The following FBXL18 variants were observed in gnomAD, a reference collection of about 807,000 sequenced individuals.
FBXL18 encodes the protein F-box/LRR-repeat protein 18.
In FBXL18, 36 loss-of-function variants were observed where a neutral mutation model predicts 46.0. The observed-to-expected ratio is 0.78, with a 90% CI of 0.60 to 1.03. FBXL18 has a LOEUF of 1.03. FBXL18 is among the 50% of genes least tolerant of loss of function. The pLI is 0.00. For missense variants in FBXL18, 977 were observed against 1,004.1 expected (o/e 0.97, Z 0.36); for synonymous variants, 557 against 465.3 (o/e 1.20, Z -2.54).
Position 5,501,649 on chromosome 7 carries a change from G to C in FBXL18, c.620C>G (p.Thr207Arg). ...GCCCGAGAGGATGGCGCCCTCGCGC[G>C]TGCGGTCCAGAATCTCGAAGTAGAG... ...LLLYFEILDRTREGAILSGQL... is the reference protein window; with the variant it reads ...LLLYFEILDRRREGAILSGQL... The change falls in exon 3 of 5, where the codon ACG (threonine) becomes AGG (arginine). Residue 207 changes from threonine (T) to arginine (R), a missense_variant. Physicochemically the swap from Thr to Arg is moderately conservative, Grantham distance 71. Coordinates refer to ENST00000382368, the MANE Select transcript of FBXL18 (RefSeq NM_024963.6). 1 of 1,612,430 alleles carries C rather than the reference G, an allele frequency of 6.2e-7. No homozygotes were observed. Among genetic ancestry groups the C allele is most frequent in the Non-Finnish European group, 8.5e-7 (1 of 1,179,430 alleles).
downstream of FBXL18, among the ~76,000 whole-genome samples, chr7:5,473,319 G>A (rs1194441836): frequency 6.6e-6 from 1 of 152,108 alleles, no homozygotes; most frequent in Non-Finnish European, 1.5e-5. Flanking sequence ...AGCAGCCCTG[G>A]AGCCCACCCT....
intron 4 of FBXL18, among the ~76,000 whole-genome samples, chr7:5,464,217 G>A (rs144366264): frequency 0.045 from 6,829 of 152,008 alleles, 522 homozygotes; most frequent in African/African-American, 0.15. Flanking sequence ...GGTGGCTCAT[G>A]CCTGTAATCC....
intron 3 of FBXL18, among the ~76,000 whole-genome samples, chr7:5,497,623 C>G (rs1049434032): frequency 1.3e-5 from 2 of 152,194 alleles, no homozygotes; most frequent in Non-Finnish European, 2.9e-5. Flanking sequence ...CGAGCAGACC[C>G]GGCCACTTCC....
chr7:5,475,943 C>CGGGACG lies in FBXL18; in HGVS notation c.*5826_*5831dup, dbSNP rs1481863258. 1 of 152,258 alleles carries CGGGACG rather than the reference C, an allele frequency of 6.6e-6. No individual in the cohort carries two copies. The highest frequency in any genetic ancestry group is 1.5e-5 in the Non-Finnish European group (1 of 68,082). The allele number at this position is 152,258 out of a possible 1,614,324, so 9.4% of individuals were successfully genotyped here. ...GTGAGACGCCACGGGGGCAGGTCAG[C>CGGGACG]GGGACGGGGACAGGGAGGTTGGTCA... On this transcript the variant is annotated 3_prime_UTR_variant, in exon 5 of 5. Coordinates refer to ENST00000382368, the MANE Select transcript of FBXL18 (RefSeq NM_024963.6). This position sits in a 1 kb window ranked among gnomAD's most constrained non-coding sequence, Gnocchi z 4.2.
At chr7:5,513,549 A>T (rs1784595948) in intron 1 of FBXL18, 108 bp downstream of exon 1, 4 of 1,235,594 alleles carry the variant, frequency 3.2e-6, no homozygotes, top group Non-Finnish European at 4.7e-6. Context: ...GGGGCGGGGT[A>T]GGGGTCGGGA....
chr7:5,508,440 T>C (rs6967176), intron 1 of FBXL18, among the ~76,000 whole-genome samples: 1,861 of 132,678 alleles, frequency 0.014, 41 homozygotes, highest in Non-Finnish European at 0.02. Flanking sequence ...AGACTTTGTC[T>C]AAAAAAAAAA....
intron 4 of FBXL18, among the ~76,000 whole-genome samples, chr7:5,458,785 C>T (rs796917870): frequency 9.9e-5 from 15 of 152,246 alleles, no homozygotes; most frequent in African/African-American, 2.6e-4. Context: ...CACTTGAACC[C>T]GGAGGCAAAC....
rs148652259 is a variant in FBXL18 at position 5,503,303 on chromosome 7, G to C, written c.238-1272C>G. 2.8e-3 allele frequency among the ~76,000 whole-genome samples: 422 copies of C among 152,342 alleles called. 6 individuals are homozygous for C. The highest frequency in any genetic ancestry group is 9.6e-3 in the African/African-American group (401 of 41,572). The stretch of plus-strand genomic sequence containing the variant: ...GGAGGCTGAGGCAGGAGGATGGCTT[G>C]AGCCTGGGAGGTGGACGTTGCAGTG... On this transcript the variant is annotated intron_variant, in intron 2 of 4. Coordinates refer to ENST00000382368, the MANE Select transcript of FBXL18 (RefSeq NM_024963.6).
chr7:5,461,294 C>T (rs982143461), intron 4 of FBXL18, among the ~76,000 whole-genome samples: 10 of 152,214 alleles, frequency 6.6e-5, no homozygotes, highest in Non-Finnish European at 1.2e-4. Flanking sequence ...CAGCCAGGCA[C>T]GGTGGCTTCT....
intron 4 of FBXL18, among the ~76,000 whole-genome samples, chr7:5,458,151 T>C (rs953814173): frequency 6.6e-6 from 1 of 151,648 alleles, no homozygotes; most frequent in Non-Finnish European, 1.5e-5. Flanking sequence ...TTGGCTGAAG[T>C]TTGTCTCAGA....
At chr7:5,482,668 G>A (rs1306983724) in intron 4 of FBXL18, among the ~76,000 whole-genome samples, 4 of 151,926 alleles carry the variant, frequency 2.6e-5, no homozygotes, top group Non-Finnish European at 4.4e-5. Context: ...GTCCCCCAGC[G>A]GGCCATGAAG....
intron 4 of FBXL18, among the ~76,000 whole-genome samples, chr7:5,470,388 G>A (rs951614350): frequency 2.0e-5 from 3 of 151,868 alleles, no homozygotes; most frequent in African/African-American, 4.8e-5. Flanking sequence ...GCGCAGGCCC[G>A]GGCAGCTGCC....
downstream of FBXL18, among the ~76,000 whole-genome samples, chr7:5,471,621 A>T (rs1250697447): frequency 6.6e-6 from 1 of 152,176 alleles, no homozygotes. Context: ...CGTGTTAGCC[A>T]GGATGGTCTC....
intron 4 of FBXL18, among the ~76,000 whole-genome samples, chr7:5,466,615 G>A (rs1243275970): frequency 6.6e-6 from 1 of 152,188 alleles, no homozygotes; most frequent in Admixed American, 6.6e-5. Context: ...AAGGTCCGCT[G>A]ATCCGCAACT....
At chr7:5,506,568 T>C (rs1208221038) in intron 1 of FBXL18, among the ~76,000 whole-genome samples, 5 of 151,424 alleles carry the variant, frequency 3.3e-5, no homozygotes, top group Admixed American at 2.6e-4. Flanking sequence ...TTTTTTTTTT[T>C]CTTTTGGAGA....
chr7:5,487,649 A>T (rs1436014186), intron 4 of FBXL18, among the ~76,000 whole-genome samples: 1 of 152,226 alleles, frequency 6.6e-6, no homozygotes, highest in Non-Finnish European at 1.5e-5. Context: ...CTGACCTCAC[A>T]GGGCTTCTGT....
chr7:5,497,287 G>A (rs1020287862), intron 3 of FBXL18, among the ~76,000 whole-genome samples: 1 of 152,048 alleles, frequency 6.6e-6, no homozygotes, highest in Non-Finnish European at 1.5e-5. Flanking sequence ...TCGCCCGTCT[G>A]GTTCTCAAAG....
intron 4 of FBXL18, among the ~76,000 whole-genome samples, chr7:5,464,892 C>T (rs998128202): frequency 2.6e-5 from 4 of 151,702 alleles, no homozygotes; most frequent in South Asian, 2.1e-4. Flanking sequence ...GGTGAAACCC[C>T]GTCCTACTAA....
chr7:5,470,465 C>T (rs987284986), intron 4 of FBXL18, among the ~76,000 whole-genome samples: 9 of 152,304 alleles, frequency 5.9e-5, no homozygotes, highest in Admixed American at 1.3e-4. Flanking sequence ...TGAGCTGCCA[C>T]GAAACCCGAG....
Sources: gnomAD v4.1 joint callset for allele counts (sites outside exome capture counted in the v4.1 genomes callset) on GRCh38, gnomAD v4.1.1 for gene constraint, Gnocchi (gnomAD v3.1) non-coding constraint, MANE v1.5 for transcripts, NCBI Gene and HGNC (gene_info 2026-07-23, HGNC 2026-07-21) for gene names.